The following ERAP1 variants were observed in gnomAD, a reference collection of about 807,000 sequenced individuals.
ERAP1 encodes adipocyte-derived leucine aminopeptidase.
A neutral mutation model predicts 103.7 loss-of-function variants in ERAP1; 86 were observed. That is an observed-to-expected ratio of 0.83 (90% CI 0.70 to 0.99). The LOEUF is 0.99. Ranked by LOEUF, ERAP1 falls within the 50% of genes least tolerant of loss-of-function variation. ERAP1 has a pLI of 0.00. For missense variants in ERAP1, 1,009 were observed against 1,128.4 expected (o/e 0.89, Z 1.52); for synonymous variants, 398 against 402.4 (o/e 0.99, Z 0.13).
At chr5:96,913,459 T>C in the ERAP1 span, 27 of 1,613,718 alleles carry the variant, frequency 1.7e-5, no homozygotes, top group South Asian at 4.4e-5. Context: ...TCTGAAAAAG[T>C]TGGTATTCAT....
chr5:96,783,818 TACACACACACACACACACACACAC>T (rs3076640), intron 14 of ERAP1, 82 bp downstream of exon 14: 5 of 803,456 alleles, frequency 6.2e-6, no homozygotes, highest in South Asian at 1.7e-5. Flanking sequence ...TATATAAAGA[TACACACACACACACACACACACAC>T]ACACACACAC....
chr5:96,904,719 T>C, the ERAP1 span, among the ~76,000 whole-genome samples: 3 of 152,174 alleles, frequency 2.0e-5, no homozygotes, highest in Admixed American at 6.5e-5. Flanking sequence ...TTGGAAAAAA[T>C]GGAGAATATT....
chr5:96,774,757 T>G lies in ERAP1; in HGVS notation c.*1639A>C, dbSNP rs762359254. 41 of 984,126 alleles carry G rather than the reference T, an allele frequency of 4.2e-5. No homozygotes were observed. Among genetic ancestry groups the G allele is most frequent in the Non-Finnish European group, 4.9e-5 (41 of 828,712 alleles). 61.0% of individuals were successfully genotyped at this position (984,126 alleles called of 1,614,324 possible). A position where few individuals can be genotyped will look rare whatever the true frequency, so the allele number is the denominator to read the frequency against. ...TGGAAATTACCAGTGATTTCTATTT[T>G]TATTAAACCATTCACTACAACAAAT... On this transcript the variant is annotated 3_prime_UTR_variant, in exon 19 of 19. Coordinates refer to ENST00000443439, the MANE Select transcript of ERAP1 (RefSeq NM_001040458.3).
chr5:96,797,549 A>C (rs1777484566), intron 3 of ERAP1, among the ~76,000 whole-genome samples: 1 of 152,106 alleles, frequency 6.6e-6, no homozygotes, highest in South Asian at 2.1e-4. Flanking sequence ...GCCTGTAGTC[A>C]TAGCTACTGG....
chr5:96,922,372 A>G, the ERAP1 span, among the ~76,000 whole-genome samples: 1 of 152,192 alleles, frequency 6.6e-6, no homozygotes, highest in African/African-American at 2.4e-5. Flanking sequence ...TCTCTAATAT[A>G]TTGAGTTGGA....
the ERAP1 span, chr5:96,886,530 CT>C: frequency 3.5e-5 from 24 of 687,886 alleles, no homozygotes; most frequent in Middle Eastern, 4.6e-4. Context: ...CATTGCCCCC[CT>C]AGGAGGTCAT....
chr5:96,785,789 T>C lies in ERAP1; in HGVS notation c.1942A>G (p.Ser648Gly). Residue 648 changes from serine to glycine, a missense_variant and splice_region_variant, in exon 13 of 19, where the codon AGC (serine) becomes GGC (glycine). Around this residue, in one of 3 missense-constraint regions of ERAP1, gnomAD observed 611 missense variants for 651.7 expected, o/e 0.94. Coordinates refer to ENST00000443439, the MANE Select transcript of ERAP1 (RefSeq NM_001040458.3). ...GCGACTTTGTGCAGCGTGTATTACC[T>C]GACGAGCTGAAATGCATTGTTAATG... is the stretch of plus-strand genomic sequence containing the variant. The part of the protein sequence containing the change: ...SLINNAFQLV[S>G]IGKLSIEKAL... 1 of 1,614,122 alleles carries C rather than the reference T, an allele frequency of 6.2e-7. No individual in the cohort carries two copies. The highest frequency in any genetic ancestry group is 8.5e-7 in the Non-Finnish European group (1 of 1,179,964).
At chr5:96,770,511 T>A (rs1581454518), downstream of ERAP1, 1 of 1,577,106 alleles carries the variant, frequency 6.3e-7, no homozygotes, top group Non-Finnish European at 8.7e-7. Context: ...CATAGCCTCA[T>A]TACATTTCCT....
chr5:96,830,395 C>T, the ERAP1 span, among the ~76,000 whole-genome samples: 4 of 152,156 alleles, frequency 2.6e-5, no homozygotes, highest in African/African-American at 9.7e-5. Context: ...AGGTTTGTAA[C>T]TTCAAAAAAC....
At chr5:96,786,584 G>GA in intron 11 of ERAP1, 35 bp from the exon 12 acceptor site, 8 of 1,351,866 alleles carry the variant, frequency 5.9e-6, no homozygotes, top group Non-Finnish European at 8.5e-6. Flanking sequence ...TTCATTTGTT[G>GA]ATTCAATTCA....
intron 17 of ERAP1, 75 bp from the exon 18 acceptor site, chr5:96,780,579 TA>T (rs1683703667): frequency 3.5e-6 from 4 of 1,140,134 alleles, no homozygotes; most frequent in Non-Finnish European, 4.0e-6. Flanking sequence ...GCCTCCTATA[TA>T]TAATAGCTTT....
intron 18 of ERAP1, among the ~76,000 whole-genome samples, chr5:96,778,104 G>C (rs770207434): frequency 2.0e-5 from 3 of 152,162 alleles, no homozygotes; most frequent in African/African-American, 7.2e-5. Context: ...GCATGTATCA[G>C]GGACTTAACC....
intron 8 of ERAP1, among the ~76,000 whole-genome samples, chr5:96,791,739 C>A (rs893458399): frequency 6.6e-6 from 1 of 152,206 alleles, no homozygotes; most frequent in African/African-American, 2.4e-5. Context: ...AAGTAAGCTA[C>A]ACGAGGGCAG....
exon 20 of ERAP1, chr5:96,761,711 T>C (rs1055184031): frequency 1.3e-5 from 2 of 152,744 alleles, no homozygotes; most frequent in African/African-American, 2.4e-5. Context: ...TTCTAGAATA[T>C]TTAACGTTGA....
At chr5:96,885,023 C>A in the ERAP1 span, among the ~76,000 whole-genome samples, 6 of 152,180 alleles carry the variant, frequency 3.9e-5, no homozygotes, top group Admixed American at 2.0e-4. Flanking sequence ...CTATTTAAGG[C>A]AATGTTAATC....
chr5:96,900,604 C>T, the ERAP1 span, among the ~76,000 whole-genome samples: 3 of 152,086 alleles, frequency 2.0e-5, no homozygotes, highest in Non-Finnish European at 4.4e-5. Flanking sequence ...AGAAAGTCAT[C>T]ACAGGGGAAG....
rs1313891010 is a variant in ERAP1 at position 96,792,246 on chromosome 5, AT to A, written c.1189-55del. 3 of 1,586,434 alleles carry A rather than the reference AT, an allele frequency of 1.9e-6. No homozygotes were observed. The Admixed American group carries it at 5.0e-5, about 27-fold the overall frequency. ...CCTATGATTTACATTTAGATAAAAA[AT>A]GTCAAAGGTGGGACATTTTATCTGA... On this transcript the variant is annotated intron_variant, in intron 7 of 18. Transcript: ENST00000443439.
chr5:96,856,740 C>T, the ERAP1 span, among the ~76,000 whole-genome samples: 1 of 152,218 alleles, frequency 6.6e-6, no homozygotes, highest in Non-Finnish European at 1.5e-5. Flanking sequence ...CTACTTACGG[C>T]ATAGTTGTCA....
the ERAP1 span, chr5:96,913,602 C>G: frequency 1.1e-6 from 1 of 952,072 alleles, no homozygotes; most frequent in Non-Finnish European, 1.6e-6. Flanking sequence ...TTGAAACTCC[C>G]TAGCCCAAAT....
Sources: gnomAD v4.1 joint callset for allele counts (sites outside exome capture counted in the v4.1 genomes callset) on GRCh38, gnomAD v4.1.1 for gene constraint, gnomAD v4.1.1 regional missense constraint, MANE v1.5 for transcripts, NCBI Gene and HGNC (gene_info 2026-07-23, HGNC 2026-07-21) for gene names.